Variants in IL36G observed in about 807,000 individuals in gnomAD.
The protein encoded by IL36G is interleukin-36 gamma.
IL36G carries 10 observed loss-of-function variants against 13.5 expected under a neutral mutation model. That is an observed-to-expected ratio of 0.74 (90% CI 0.46 to 1.26). The LOEUF is 1.26. IL36G is among the 50% of genes most tolerant of loss of function. IL36G has a pLI of 0.00. For synonymous variants in IL36G, 84 were observed against 74.0 expected, an observed-to-expected ratio of 1.13 and a Z score of -0.69; for missense variants, 199 against 203.0, an observed-to-expected ratio of 0.98 and a Z score of 0.12.
chr2:112,979,452 T>C (rs933014825), intron 3 of IL36G, 127 bp downstream of exon 3: 30 of 613,420 alleles, frequency 4.9e-5, no homozygotes, highest in Non-Finnish European at 8.0e-5. Context: ...TCACACCTAA[T>C]TGGGAAGAGA....
At chr2:112,978,493 G>T in intron 1 of IL36G, 127 bp from the exon 2 acceptor site, 1 of 723,130 alleles carries the variant, frequency 1.4e-6, no homozygotes, top group Non-Finnish European at 2.4e-6. Flanking sequence ...CAGAACTTCT[G>T]CCCAGAGCTT....
In IL36G at chr2:112,984,879, G is replaced by C; in HGVS notation, c.340G>C (p.Val114Leu). 3 of 1,614,130 alleles carry C rather than the reference G, an allele frequency of 1.9e-6. No homozygotes were observed. Among genetic ancestry groups the C allele is most frequent in the Non-Finnish European group, 2.5e-6 (3 of 1,180,000 alleles). Residue 114 changes from valine to leucine, a missense_variant, in exon 5 of 5, where the codon GTG (valine) becomes CTG (leucine). Physicochemically the swap from Val to Leu is conservative, Grantham distance 32 (BLOSUM62 1). Coordinates refer to ENST00000259205, the MANE Select transcript of IL36G (RefSeq NM_019618.4). Reference protein sequence around the residue: ...IMDLYGQPEPVKPFLFYRAKT... With the variant: ...IMDLYGQPEPLKPFLFYRAKT... ...GGATCTGTATGGCCAACCCGAGCCC[G>C]TGAAACCCTTCCTTTTCTACCGTGC...
Position 112,985,240 on chromosome 2 carries a change from G to A in IL36G, c.*191G>A. The A allele has an allele frequency of 1.7e-6, 1 of 575,098 alleles. No individual in the cohort carries two copies. The highest frequency in any genetic ancestry group is 2.0e-5 in the South Asian group (1 of 49,038). The allele number at this position is 575,098 out of a possible 1,614,324, so 35.6% of individuals were successfully genotyped here. On this transcript the variant is annotated 3_prime_UTR_variant, in exon 5 of 5. Coordinates refer to ENST00000259205, the MANE Select transcript of IL36G (RefSeq NM_019618.4). ...AACTGAAGAACAGGATGTGGCCTCA[G>A]AAGCAGGAGAGCTGGGTGGTATAAG...
Position 112,979,997 on chromosome 2 carries a change from T to G in IL36G, c.161-12T>G, listed in dbSNP as rs182778375. 3 of 1,611,206 alleles carry G rather than the reference T, an allele frequency of 1.9e-6. No homozygotes were observed. The East Asian group carries it at 6.7e-5, about 36-fold the overall frequency. On this transcript the variant is annotated splice_polypyrimidine_tract_variant and intron_variant, in intron 3 of 4. Coordinates refer to ENST00000259205, the MANE Select transcript of IL36G (RefSeq NM_019618.4). ...AAGGAAACTGATACCATCTCTCCTC[T>G]TATCTTTACAGTCACTGTTGCTGTT...
intron 1 of IL36G, 106 bp from the exon 2 acceptor site, chr2:112,978,514 C>T: frequency 1.1e-6 from 1 of 875,154 alleles, no homozygotes; most frequent in Non-Finnish European, 1.9e-6. Flanking sequence ...CGTGTCAGGC[C>T]AGGTTTCCCA....
intron 4 of IL36G, among the ~76,000 whole-genome samples, chr2:112,982,685 A>C (rs1374322673): frequency 6.6e-6 from 1 of 152,140 alleles, no homozygotes; most frequent in Non-Finnish European, 1.5e-5. Flanking sequence ...GACATTTGCT[A>C]CTTTGTCCTG....
At position 112,985,228 on chromosome 2, in the gene IL36G, G is replaced by A. The variant is rs1431492078; in HGVS notation, c.*179G>A. 1.0e-5 allele frequency: 6 copies of A among 590,984 alleles called. No homozygotes were observed. Among genetic ancestry groups the A allele is most frequent in the Non-Finnish European group, 1.2e-5 (4 of 334,318 alleles). 36.6% of individuals were successfully genotyped at this position (590,984 alleles called of 1,614,324 possible). On this transcript the variant is annotated 3_prime_UTR_variant, in exon 5 of 5. Transcript: ENST00000259205. ...TTACTTCATAGCAACTGAAGAACAG[G>A]ATGTGGCCTCAGAAGCAGGAGAGCT... is the stretch of plus-strand genomic sequence containing the variant.
chr2:112,978,743 A>C (rs1464351337), intron 2 of IL36G, 50 bp downstream of exon 2: 1 of 1,553,656 alleles, frequency 6.4e-7, no homozygotes, highest in Admixed American at 1.7e-5. Flanking sequence ...GGCCCTCTGC[A>C]CTCACGCTAT....
chr2:112,980,226 A>G, intron 4 of IL36G, 78 bp downstream of exon 4: 1 of 1,208,234 alleles, frequency 8.3e-7, no homozygotes. Context: ...TAGAATTAAA[A>G]AAGAAATAGT....
intron 2 of IL36G, 49 bp from the exon 3 acceptor site, chr2:112,979,172 C>A (rs1299619229): frequency 8.1e-7 from 1 of 1,228,218 alleles, no homozygotes; most frequent in Non-Finnish European, 1.2e-6. Flanking sequence ...TCTAGTAAAG[C>A]AGCCTTGATT....
intron 1 of IL36G, 103 bp downstream of exon 1, chr2:112,978,181 T>G (rs1684198430): frequency 5.4e-6 from 1 of 185,274 alleles, no homozygotes; most frequent in African/African-American, 2.4e-5. Flanking sequence ...AGGCTGGCTC[T>G]GTGCTTTGTC....
intron 2 of IL36G, 129 bp downstream of exon 2, chr2:112,978,822 C>A (rs1210000115): frequency 4.5e-6 from 4 of 889,894 alleles, no homozygotes; most frequent in Non-Finnish European, 7.2e-6. Context: ...TGCTGCCCAC[C>A]TACCACTGGG....
In IL36G at chr2:112,978,063, G is replaced by A. The variant is rs769805137; in HGVS notation, c.-35G>A. ...TTCAGTCCCCTGGACTGTAGATAAA[G>A]ACCCTTTCTTGCCAGGTATAGTCAA... On this transcript the variant is annotated 5_prime_UTR_variant, in exon 1 of 5. Coordinates refer to ENST00000259205, the MANE Select transcript of IL36G (RefSeq NM_019618.4). The A allele has an allele frequency of 1.9e-5, 3 of 156,772 alleles. No individual in the cohort carries two copies. Among genetic ancestry groups the A allele is most frequent in the Non-Finnish European group, 4.2e-5 (3 of 70,930 alleles). The allele number at this position is 156,772 out of a possible 1,614,324, so 9.7% of individuals were successfully genotyped here. A position where few individuals can be genotyped will look rare whatever the true frequency, so the allele number is the denominator to read the frequency against.
chr2:112,979,625 G>T (rs1684228239), intron 3 of IL36G, among the ~76,000 whole-genome samples: 1 of 152,110 alleles, frequency 6.6e-6, no homozygotes, highest in Non-Finnish European at 1.5e-5. Context: ...TGACTAAATG[G>T]GTGAATACCA....
chr2:112,982,285 A>C (rs1163654441), intron 4 of IL36G, among the ~76,000 whole-genome samples: 1 of 152,228 alleles, frequency 6.6e-6, no homozygotes, highest in Non-Finnish European at 1.5e-5. Context: ...GTTAGTTAGC[A>C]GGTGTCTAGT....
In IL36G at chr2:112,978,622, G is replaced by T. The variant is rs1390294408; in HGVS notation, c.-17G>T. 1 of 1,613,302 alleles carries T rather than the reference G, an allele frequency of 6.2e-7. No homozygotes were observed. The highest frequency in any genetic ancestry group is 8.5e-7 in the Non-Finnish European group (1 of 1,179,350). ...CTGTTCTATGTCTGCTTTCACAGGT[G>T]CTGAGACAACCACACTATGAGAGGC... On this transcript the variant is annotated splice_region_variant and 5_prime_UTR_variant, in exon 2 of 5. Transcript: ENST00000259205.
rs1573344526 is a variant in IL36G at position 112,985,459 on chromosome 2, A to T, written c.*410A>T. 5.6e-6 allele frequency: 1 copy of T among 179,924 alleles called. No homozygotes were observed. Among genetic ancestry groups the T allele is most frequent in the East Asian group, 1.4e-4 (1 of 7,338 alleles). 11.1% of individuals were successfully genotyped at this position (179,924 alleles called of 1,614,324 possible). On this transcript the variant is annotated 3_prime_UTR_variant, in exon 5 of 5. Transcript: ENST00000259205. ...CTGTTTTGCTTTATTCCCTCTTGGG[A>T]TGATATCATCCAGTCTTTATATGTT...
rs1289737199 is a variant in IL36G at position 112,982,817 on chromosome 2, G to T, written c.301-2023G>T. Among the ~76,000 whole-genome samples the T allele has an allele frequency of 2.0e-5, 3 of 152,130 alleles. No homozygotes were observed. In the East Asian group the frequency reaches 5.8e-4, roughly 29 times the overall value. ...CAGGAGCAGTGTTGGTGCTGTAGTG[G>T]GGGCAAAAGCCTGGATGGAGTAAGT... On this transcript the variant is annotated intron_variant, in intron 4 of 4. Coordinates refer to ENST00000259205, the MANE Select transcript of IL36G (RefSeq NM_019618.4).
Position 112,978,696 on chromosome 2 carries a change from G to T in IL36G, c.55+3G>T. 6.2e-7 allele frequency: 1 copy of T among 1,614,024 alleles called. No individual in the cohort carries two copies. The highest frequency in any genetic ancestry group is 8.5e-7 in the Non-Finnish European group (1 of 1,179,976). ...AGGAAGGGCCGTCTATCAATCAAGT[G>T]AATCAAATGCTGTTGGGATGGGGCT... On this transcript the variant is annotated splice_donor_region_variant and intron_variant, in intron 2 of 4. Transcript: ENST00000259205.
Sources: gnomAD v4.1 joint callset for allele counts (sites outside exome capture counted in the v4.1 genomes callset) on GRCh38, gnomAD v4.1.1 for gene constraint, MANE v1.5 for transcripts, NCBI Gene and HGNC (gene_info 2026-07-23, HGNC 2026-07-21) for gene names.